Variants in FREM2 observed in about 807,000 individuals in gnomAD.
The protein encoded by FREM2 is FRAS1-related extracellular matrix protein 2.
FREM2 carries 119 observed loss-of-function variants against 219.9 expected under a neutral mutation model. The ratio of observed to expected loss-of-function variants is 0.54; its 90% CI spans 0.47 to 0.63. FREM2 has a LOEUF of 0.63. Among genes scored for constraint, FREM2 ranks in the 30% least tolerant of loss-of-function variants. The pLI is 0.00. For missense variants in FREM2, 4,030 were observed against 3,993.6 expected, an observed-to-expected ratio of 1.01 and a Z score of -0.25; for synonymous variants, 1,562 against 1,522.8, an observed-to-expected ratio of 1.03 and a Z score of -0.60.
Position 38,691,194 on chromosome 13 carries a change from G to C in FREM2, c.3850G>C (p.Gly1284Arg), listed in dbSNP as rs1869831257. Residue 1284 changes from glycine (G) to arginine (R), a missense_variant, in exon 1 of 24, where the codon GGG (glycine) becomes CGG (arginine). This residue lies in a region of FREM2 where 3,102 missense variants were observed against 2,950.7 expected (regional missense o/e 1.05). Transcript: ENST00000280481. ...EDSFVIKLTDGKHSVEKTVLI... is the reference protein window; with the variant it reads ...EDSFVIKLTDRKHSVEKTVLI... ...CAGTTTTGTGATTAAACTAACAGAT[G>C]GGAAGCACTCTGTGGAAAAGACGGT... The C allele has an allele frequency of 2.5e-6, 4 of 1,613,974 alleles. No homozygotes were observed. The highest frequency in any genetic ancestry group is 3.4e-6 in the Non-Finnish European group (4 of 1,179,950).
chr13:38,743,197 A>G (rs1049199469), intron 2 of FREM2, among the ~76,000 whole-genome samples: 5 of 152,096 alleles, frequency 3.3e-5, no homozygotes, highest in African/African-American at 7.2e-5. Flanking sequence ...GCTCAAGTCA[A>G]CTTTATGCTT....
intron 6 of FREM2, among the ~76,000 whole-genome samples, chr13:38,816,717 C>G (rs958382198): frequency 6.6e-5 from 10 of 151,990 alleles, no homozygotes; most frequent in Non-Finnish European, 1.5e-4. Flanking sequence ...TAAATGAAGA[C>G]CTAGCCGGAG....
chr13:38,791,416 A>G (rs925373170), intron 6 of FREM2, among the ~76,000 whole-genome samples: 6 of 152,188 alleles, frequency 3.9e-5, no homozygotes, highest in African/African-American at 1.4e-4. Context: ...GAATAAAGCA[A>G]AAGTACAAAA....
intron 6 of FREM2, among the ~76,000 whole-genome samples, chr13:38,796,836 A>C (rs926197469): frequency 6.6e-6 from 1 of 151,766 alleles, no homozygotes. Flanking sequence ...TTTTTGAAAA[A>C]TTTTTATACT....
At chr13:38,748,001 A>G (rs938429794) in intron 2 of FREM2, among the ~76,000 whole-genome samples, 3 of 152,188 alleles carry the variant, frequency 2.0e-5, no homozygotes, top group South Asian at 2.1e-4. Context: ...CTAAGATCCA[A>G]CTGAAAACAG....
At chr13:38,775,688 T>C (rs1305627629) in intron 4 of FREM2, among the ~76,000 whole-genome samples, 3 of 152,198 alleles carry the variant, frequency 2.0e-5, no homozygotes, top group African/African-American at 7.2e-5. Flanking sequence ...GGCACAATCT[T>C]GGCTCACTGC....
chr13:38,774,465 G>A (rs980795170), intron 4 of FREM2, among the ~76,000 whole-genome samples: 3 of 152,100 alleles, frequency 2.0e-5, no homozygotes, highest in East Asian at 1.9e-4. Flanking sequence ...AATATAGAAT[G>A]CTACGTGCTC....
At chr13:38,825,417 A>T (rs116116377) in intron 6 of FREM2, among the ~76,000 whole-genome samples, 6,830 of 151,968 alleles carry the variant, frequency 0.045, 534 homozygotes, top group African/African-American at 0.16. Flanking sequence ...AACCACAAAG[A>T]ATAAAGCCTT....
chr13:38,704,321 G>A (rs919812381), intron 2 of FREM2, among the ~76,000 whole-genome samples: 2 of 152,206 alleles, frequency 1.3e-5, no homozygotes, highest in East Asian at 3.9e-4. Flanking sequence ...TTAGGATAAA[G>A]AAGTAGACGA....
chr13:38,852,618 G>A (rs770099252), intron 11 of FREM2, among the ~76,000 whole-genome samples: 1 of 151,730 alleles, frequency 6.6e-6, no homozygotes, highest in Non-Finnish European at 1.5e-5. Flanking sequence ...ATTAACCACA[G>A]AGACAATGAA....
At chr13:38,841,283 T>A (rs997741812) in intron 6 of FREM2, among the ~76,000 whole-genome samples, 1 of 152,158 alleles carries the variant, frequency 6.6e-6, no homozygotes, top group African/African-American at 2.4e-5. Context: ...TCCAAGGTAG[T>A]TGCCTGTCAA....
chr13:38,747,114 G>T (rs924106795), intron 2 of FREM2, among the ~76,000 whole-genome samples: 1 of 152,014 alleles, frequency 6.6e-6, no homozygotes, highest in African/African-American at 2.4e-5. Flanking sequence ...TACCTACCTT[G>T]CCCACCATAT....
chr13:38,712,639 CTT>C (rs1870822357), intron 2 of FREM2, among the ~76,000 whole-genome samples: 2 of 88,164 alleles, frequency 2.3e-5, no homozygotes, highest in Non-Finnish European at 4.2e-5. Context: ...CTTACTCTCT[CTT>C]TCTCTCTCTC....
intron 4 of FREM2, among the ~76,000 whole-genome samples, chr13:38,778,708 C>G (rs1873980374): frequency 1.3e-5 from 2 of 152,060 alleles, no homozygotes; most frequent in African/African-American, 2.4e-5. Flanking sequence ...GGCTTAACAC[C>G]TGGGTGATGA....
At chr13:38,768,561 G>T (rs1873533082) in intron 3 of FREM2, among the ~76,000 whole-genome samples, 1 of 152,094 alleles carries the variant, frequency 6.6e-6, no homozygotes, top group Non-Finnish European at 1.5e-5. Flanking sequence ...ATAAACCTGA[G>T]CCACCATGCC....
At chr13:38,866,711 G>T (rs9548515) in intron 16 of FREM2, among the ~76,000 whole-genome samples, 11,349 of 149,948 alleles carry the variant, frequency 0.076, 708 homozygotes, top group Admixed American at 0.18. Flanking sequence ...GAACTTCTCT[G>T]TGGATCTCAT....
intron 16 of FREM2, among the ~76,000 whole-genome samples, chr13:38,867,355 T>C (rs576379341): frequency 1.3e-5 from 2 of 152,254 alleles, no homozygotes; most frequent in Non-Finnish European, 2.9e-5. Context: ...ATGATCAATA[T>C]CATAGTGATG....
intron 2 of FREM2, among the ~76,000 whole-genome samples, chr13:38,745,260 A>G (rs1460104236): frequency 6.6e-6 from 1 of 152,200 alleles, no homozygotes; most frequent in Non-Finnish European, 1.5e-5. Context: ...TAAATATATT[A>G]AAAAGAAAAG....
intron 6 of FREM2, among the ~76,000 whole-genome samples, chr13:38,812,456 C>G (rs539342219): frequency 5.9e-5 from 9 of 152,042 alleles, no homozygotes; most frequent in African/African-American, 2.2e-4. Context: ...TTTGTGTATC[C>G]ATTGTATGCT....
Sources: gnomAD v4.1 joint callset for allele counts (sites outside exome capture counted in the v4.1 genomes callset) on GRCh38, gnomAD v4.1.1 for gene constraint, gnomAD v4.1.1 regional missense constraint, MANE v1.5 for transcripts, NCBI Gene and HGNC (gene_info 2026-07-23, HGNC 2026-07-21) for gene names.